The following FAM135A variants were observed in gnomAD, a reference collection of about 807,000 sequenced individuals.
FAM135A encodes the protein family with sequence similarity 135 member A, also known as protein FAM135A.
A neutral mutation model predicts 146.8 loss-of-function variants in FAM135A; 79 were observed. The observed-to-expected ratio is 0.54, with a 90% CI of 0.45 to 0.65. FAM135A has a LOEUF of 0.65. FAM135A is among the 30% of genes least tolerant of loss of function. The pLI is 0.00. For synonymous variants in FAM135A, 562 were observed against 603.6 expected (o/e 0.93, Z 1.01); for missense variants, 1,623 against 1,758.2 (o/e 0.92, Z 1.38).
chr6:70,423,151 A>G (rs558457141), intron 2 of FAM135A, among the ~76,000 whole-genome samples: 3 of 152,200 alleles, frequency 2.0e-5, no homozygotes, highest in African/African-American at 7.2e-5. Flanking sequence ...AGACAGGAAT[A>G]TATTTCATGC....
At chr6:70,540,626 A>AT (rs1797747880) in intron 20 of FAM135A, among the ~76,000 whole-genome samples, 2 of 151,966 alleles carry the variant, frequency 1.3e-5, no homozygotes, top group South Asian at 4.1e-4. Context: ...CACCTGGCTA[A>AT]TTCCTGCTAC....
intron 5 of FAM135A, 104 bp from the exon 6 acceptor site, chr6:70,475,306 C>CT (rs1782410570): frequency 1.1e-6 from 1 of 920,948 alleles, no homozygotes; most frequent in Non-Finnish European, 1.6e-6. Flanking sequence ...GATAATGACA[C>CT]TATAGTAATA....
At chr6:70,537,728 G>A (rs1797040776) in intron 19 of FAM135A, among the ~76,000 whole-genome samples, 1 of 152,050 alleles carries the variant, frequency 6.6e-6, no homozygotes, top group Admixed American at 6.5e-5. Context: ...TTGAAATTTT[G>A]CTTAATTTCC....
In FAM135A at chr6:70,533,168, G is replaced by T; in HGVS notation, c.3784G>T (p.Ala1262Ser). Residue 1262 changes from alanine to serine, a missense_variant, in exon 17 of 22, where the codon GCA (alanine) becomes TCA (serine). By Grantham distance (99) the Ala-to-Ser change is moderately conservative (BLOSUM62 1). Around this residue, in one of 7 missense-constraint regions of FAM135A, gnomAD observed 1,061 missense variants for 1,113.8 expected, o/e 0.95. Coordinates refer to ENST00000418814, the MANE Select transcript of FAM135A (RefSeq NM_001162529.3). ...CATTTTTCATTTTTTAGGAAACAGT[G>T]CAGATCTCCGATTAGTAAAAACTTA... ...VCVHGLDGNS[A>S]DLRLVKTYIE... 1 of 1,612,354 alleles carries T rather than the reference G, an allele frequency of 6.2e-7. No homozygotes were observed. The highest frequency in any genetic ancestry group is 8.5e-7 in the Non-Finnish European group (1 of 1,178,860).
At chr6:70,524,229 C>G in intron 14 of FAM135A, 108 bp downstream of exon 14, 1 of 1,391,148 alleles carries the variant, frequency 7.2e-7, no homozygotes, top group South Asian at 1.5e-5. Flanking sequence ...TTTTCCCTCT[C>G]TAGTTTTATT....
At chr6:70,483,201 A>G (rs1016933216) in intron 10 of FAM135A, among the ~76,000 whole-genome samples, 3 of 152,178 alleles carry the variant, frequency 2.0e-5, no homozygotes, top group South Asian at 2.1e-4. Flanking sequence ...TGCCACTATC[A>G]GCAACTACTC....
intron 12 of FAM135A, among the ~76,000 whole-genome samples, chr6:70,512,421 A>G (rs1791206681): frequency 6.6e-6 from 1 of 151,814 alleles, no homozygotes; most frequent in Non-Finnish European, 1.5e-5. Flanking sequence ...TTTATCTTCA[A>G]CTTAATAAAA....
At chr6:70,431,800 G>C (rs1333524017) in intron 4 of FAM135A, among the ~76,000 whole-genome samples, 2 of 152,014 alleles carry the variant, frequency 1.3e-5, no homozygotes, top group African/African-American at 4.8e-5. Context: ...AAAACAAATT[G>C]CTTGCTTAAG....
At chr6:70,486,197 G>A (rs1257919097) in intron 10 of FAM135A, 15 of 1,613,678 alleles carry the variant, frequency 9.3e-6, no homozygotes, top group East Asian at 6.7e-5. Flanking sequence ...CTATATGAGC[G>A]TCTTCTCAGA....
At chr6:70,477,375 G>T in intron 8 of FAM135A, 43 bp downstream of exon 8, 2 of 1,579,616 alleles carry the variant, frequency 1.3e-6, no homozygotes, top group Admixed American at 1.7e-5. Context: ...TTCTTACACT[G>T]CAATAAAGAA....
intron 10 of FAM135A, among the ~76,000 whole-genome samples, chr6:70,486,666 C>T (rs534846898): frequency 1.4e-4 from 22 of 152,252 alleles, no homozygotes; most frequent in African/African-American, 3.6e-4. Context: ...CGGTGACTCA[C>T]GCCTGTAATC....
At chr6:70,548,868 CCAAAAGAAAAAAATGGA>C (rs1212266140) in intron 20 of FAM135A, among the ~76,000 whole-genome samples, 1 of 150,424 alleles carries the variant, frequency 6.6e-6, no homozygotes, top group Non-Finnish European at 1.5e-5. Context: ...ACATAACAAC[CCAAAAGAAAAAAATGGA>C]CAAAAGAGAA....
chr6:70,426,118 A>AC (rs1770062444), intron 2 of FAM135A, among the ~76,000 whole-genome samples: 13 of 147,874 alleles, frequency 8.8e-5, no homozygotes, highest in Non-Finnish European at 1.7e-4. Flanking sequence ...TCAAAAAAAA[A>AC]AAACAACAAC....
rs1796161889 is a variant in FAM135A, at chr6:70,533,220, G to C, written c.3836G>C (p.Arg1279Thr). Residue 1279 changes from arginine (R) to threonine (T), a missense_variant, in exon 17 of 22, where the codon AGA becomes ACA. By Grantham distance (71) the Arg-to-Thr change is moderately conservative. Around this residue, in one of 7 missense-constraint regions of FAM135A, gnomAD observed 1,061 missense variants for 1,113.8 expected, o/e 0.95. Transcript: ENST00000418814. ...ATTGAACTTGGATTGCCTGGGGGAAGAATTGATTTTCTTATGTCTGAGAGA... is the reference window on the plus strand; with the variant it reads ...ATTGAACTTGGATTGCCTGGGGGAACAATTGATTTTCTTATGTCTGAGAGA... ...TYIELGLPGG[R>T]IDFLMSERNQ... 1 of 1,613,158 alleles carries C rather than the reference G, an allele frequency of 6.2e-7. No homozygotes were observed. Among genetic ancestry groups the C allele is most frequent in the African/African-American group, 1.3e-5 (1 of 74,902 alleles).
At chr6:70,434,339 G>A (rs1311993143) in intron 4 of FAM135A, among the ~76,000 whole-genome samples, 1 of 152,182 alleles carries the variant, frequency 6.6e-6, no homozygotes, top group Non-Finnish European at 1.5e-5. Flanking sequence ...ATTTTTCTTT[G>A]TTTGGAGATG....
chr6:70,426,433 T>A lies in FAM135A; in HGVS notation c.-133-6T>A, dbSNP rs1582011427. 2 of 152,292 alleles carry A rather than the reference T, an allele frequency of 1.3e-5. No individual in the cohort carries two copies. Among genetic ancestry groups the A allele is most frequent in the African/African-American group, 4.8e-5 (2 of 41,564 alleles). The allele number at this position is 152,292 out of a possible 1,614,324, so 9.4% of individuals were successfully genotyped here. A position where few individuals can be genotyped will look rare whatever the true frequency, so the allele number is the denominator to read the frequency against. ...TGGTTTGAGATGTTACTTTTTTTTC[T>A]CATAGGGGGAACGGTGTATTTTTAA... On this transcript the variant is annotated splice_polypyrimidine_tract_variant and splice_region_variant and intron_variant, in intron 2 of 21. Coordinates refer to ENST00000418814, the MANE Select transcript of FAM135A (RefSeq NM_001162529.3).
At chr6:70,458,547 A>T (rs1778815704) in intron 5 of FAM135A, among the ~76,000 whole-genome samples, 1 of 152,144 alleles carries the variant, frequency 6.6e-6, no homozygotes, top group Non-Finnish European at 1.5e-5. Flanking sequence ...TGTATAGGTA[A>T]CAACCTTTCC....
chr6:70,523,791 CTA>C (rs1794120892), intron 13 of FAM135A, among the ~76,000 whole-genome samples, 174 bp from the exon 14 acceptor site: 1 of 152,084 alleles, frequency 6.6e-6, no homozygotes, highest in African/African-American at 2.4e-5. Flanking sequence ...TGCCAACAAA[CTA>C]TCATTTTCAT....
chr6:70,541,628 A>G (rs1382119621), intron 20 of FAM135A, among the ~76,000 whole-genome samples: 1 of 152,082 alleles, frequency 6.6e-6, no homozygotes, highest in African/African-American at 2.4e-5. Context: ...ATCATTCCAT[A>G]TCCATCTTTA....
Sources: gnomAD v4.1 joint callset for allele counts (sites outside exome capture counted in the v4.1 genomes callset) on GRCh38, gnomAD v4.1.1 for gene constraint, gnomAD v4.1.1 regional missense constraint, MANE v1.5 for transcripts, NCBI Gene and HGNC (gene_info 2026-07-23, HGNC 2026-07-21) for gene names.